Variants in CCDC149 observed in about 807,000 individuals in gnomAD.
CCDC149 encodes the protein coiled-coil domain containing 149.
A neutral mutation model predicts 59.9 loss-of-function variants in CCDC149; 45 were observed. The observed-to-expected ratio is 0.75, with a 90% CI of 0.59 to 0.96. The LOEUF is 0.96. Among genes scored for constraint, CCDC149 ranks in the 40% least tolerant of loss-of-function variants. CCDC149 has a pLI of 0.00. For synonymous variants in CCDC149, 245 were observed against 260.6 expected, an observed-to-expected ratio of 0.94 and a Z score of 0.58; for missense variants, 584 against 664.7, an observed-to-expected ratio of 0.88 and a Z score of 1.33.
intron 1 of CCDC149, among the ~76,000 whole-genome samples, chr4:24,901,459 A>C (rs1721162643): frequency 6.6e-6 from 1 of 152,208 alleles, no homozygotes; most frequent in Non-Finnish European, 1.5e-5. Context: ...TCACTATATT[A>C]ATTTTTTTAA....
At chr4:24,969,136 T>G (rs963670351) in intron 1 of CCDC149, among the ~76,000 whole-genome samples, 1 of 152,234 alleles carries the variant, frequency 6.6e-6, no homozygotes, top group Non-Finnish European at 1.5e-5. Flanking sequence ...GGAGGCTTGT[T>G]AGAAATGCCT....
chr4:24,952,615 A>G (rs1270513854), intron 1 of CCDC149, among the ~76,000 whole-genome samples: 3 of 39,788 alleles, frequency 7.5e-5, no homozygotes, highest in Admixed American at 3.6e-4. Flanking sequence ...AAAAAAAAAA[A>G]AAAAAAAAAA....
chr4:24,949,457 G>C, intron 1 of CCDC149, among the ~76,000 whole-genome samples: 1 of 149,238 alleles, frequency 6.7e-6, no homozygotes, highest in Non-Finnish European at 1.5e-5. Flanking sequence ...GGTGGTGGGG[G>C]GACTCCCTCA....
At chr4:24,825,584 T>C (rs1715677644) in intron 9 of CCDC149, among the ~76,000 whole-genome samples, 1 of 151,842 alleles carries the variant, frequency 6.6e-6, no homozygotes, top group African/African-American at 2.4e-5. Flanking sequence ...CCATCCTGGC[T>C]AACATGGTGA....
chr4:24,838,940 T>C (rs1170112743), intron 4 of CCDC149, among the ~76,000 whole-genome samples: 1 of 151,770 alleles, frequency 6.6e-6, no homozygotes, highest in Non-Finnish European at 1.5e-5. Flanking sequence ...GATGCCATGT[T>C]AAGTGGGGGA....
At position 24,885,256 on chromosome 4, in the gene CCDC149, TAGAA is replaced by T. The variant is rs556020743; in HGVS notation, c.64-8563_64-8560del. Among the ~76,000 whole-genome samples, 124 of 152,302 alleles carry T rather than the reference TAGAA, an allele frequency of 8.1e-4. 5 individuals are homozygous for T. The South Asian group carries it at 0.025, about 31-fold the overall frequency. On this transcript the variant is annotated intron_variant, in intron 1 of 12. Transcript: ENST00000635206. ...GGGGGAGTGTCATTAAGAATCATCT[TAGAA>T]AGAAACTTTCATCCTGACATCCTGT... is the stretch of plus-strand genomic sequence containing the variant.
intron 1 of CCDC149, 89 bp from the exon 2 acceptor site, chr4:24,876,786 A>C (rs539151137): frequency 1.5e-6 from 2 of 1,330,558 alleles, no homozygotes; most frequent in African/African-American, 3.0e-5. Flanking sequence ...CCTGTGGGGA[A>C]TTTTTGCCAT....
rs1364772959 is a variant in CCDC149, at chr4:24,837,079, A to T, written c.662+149T>A. ...TTCACTTTTGCAACTAATACATGGC[A>T]TTGATGTCATCATTTCGGGGGAGTG... is the stretch of plus-strand genomic sequence containing the variant. On this transcript the variant is annotated intron_variant, in intron 6 of 12. Transcript: ENST00000635206. This position sits in a 1 kb window ranked among gnomAD's most constrained non-coding sequence, Gnocchi z 4.3. 1.4e-6 allele frequency: 1 copy of T among 707,804 alleles called. No homozygotes were observed. Among genetic ancestry groups the T allele is most frequent in the African/African-American group, 1.8e-5 (1 of 55,798 alleles). 43.8% of individuals were successfully genotyped at this position (707,804 alleles called of 1,614,324 possible). A position where few individuals can be genotyped will look rare whatever the true frequency, so the allele number is the denominator to read the frequency against.
At chr4:24,960,508 C>T (rs534535246) in intron 1 of CCDC149, among the ~76,000 whole-genome samples, 1 of 151,882 alleles carries the variant, frequency 6.6e-6, no homozygotes, top group African/African-American at 2.4e-5. Context: ...ATTCTGCCTA[C>T]AAAAGAAGTA....
At chr4:24,863,135 A>G (rs1198890256) in intron 3 of CCDC149, among the ~76,000 whole-genome samples, 1 of 152,110 alleles carries the variant, frequency 6.6e-6, no homozygotes, top group African/African-American at 2.4e-5. Context: ...TCTATTAAAA[A>G]TATAAAAATT....
At chr4:24,923,135 G>T (rs1722344521) in intron 1 of CCDC149, among the ~76,000 whole-genome samples, 1 of 152,106 alleles carries the variant, frequency 6.6e-6, no homozygotes, top group Admixed American at 6.5e-5. Flanking sequence ...ACAGTCTGGT[G>T]GGGTGAGCTC....
At chr4:24,861,267 A>ATG (rs1718366652) in intron 3 of CCDC149, among the ~76,000 whole-genome samples, 2 of 151,446 alleles carry the variant, frequency 1.3e-5, no homozygotes, top group South Asian at 4.2e-4. Context: ...ATATATGCAC[A>ATG]CACACACACA....
chr4:24,803,799 C>A (rs1713992898), downstream of CCDC149, among the ~76,000 whole-genome samples: 1 of 152,108 alleles, frequency 6.6e-6, no homozygotes, highest in Admixed American at 6.6e-5. The surrounding 1 kb of genome is among the most constrained non-coding windows in gnomAD (Gnocchi z 4.3). Context: ...CCTATGCATC[C>A]AAAAAATTCT....
intron 1 of CCDC149, among the ~76,000 whole-genome samples, chr4:24,977,039 G>T (rs757115047): frequency 5.3e-5 from 8 of 152,182 alleles, no homozygotes; most frequent in Admixed American, 2.0e-4. Context: ...TGCAGGATTG[G>T]CAGGGAAGAC....
chr4:24,837,428 A>C lies in CCDC149; in HGVS notation c.490-28T>G, dbSNP rs1261773649. On this transcript the variant is annotated intron_variant, in intron 5 of 12. Transcript: ENST00000635206. This position sits in a 1 kb window ranked among gnomAD's most constrained non-coding sequence, Gnocchi z 4.3. The stretch of plus-strand genomic sequence containing the variant: ...AAAACCACAGGGAGAGCCCTTACTC[A>C]AGATGTTCCTCAGGCTCCAGCTTTA... The C allele has an allele frequency of 1.2e-6, 2 of 1,611,164 alleles. No individual in the cohort carries two copies. The highest frequency in any genetic ancestry group is 4.5e-5 in the East Asian group (2 of 44,854).
intron 1 of CCDC149, among the ~76,000 whole-genome samples, chr4:24,940,019 C>T (rs1277949532): frequency 6.6e-6 from 1 of 152,158 alleles, no homozygotes; most frequent in African/African-American, 2.4e-5. Flanking sequence ...GGCAGGCCAA[C>T]ATTCAAATTC....
chr4:24,890,587 C>T (rs1029713583), intron 1 of CCDC149, among the ~76,000 whole-genome samples: 8 of 152,186 alleles, frequency 5.3e-5, no homozygotes, highest in African/African-American at 2.4e-5. Context: ...AAACAATCTC[C>T]ATTCCTAAAT....
At chr4:24,839,182 CTTT>C (rs763819835) in intron 4 of CCDC149, among the ~76,000 whole-genome samples, 1 of 144,272 alleles carries the variant, frequency 6.9e-6, no homozygotes. Context: ...TACTTTCTAA[CTTT>C]TTTTTTTTTT....
chr4:24,915,466 GGACA>G (rs1320044087), upstream of CCDC149, among the ~76,000 whole-genome samples: 1 of 152,198 alleles, frequency 6.6e-6, no homozygotes, highest in Non-Finnish European at 1.5e-5. Context: ...TCAGGCAGCA[GGACA>G]GACAATCAAT....
Sources: gnomAD v4.1 joint callset for allele counts (sites outside exome capture counted in the v4.1 genomes callset) on GRCh38, gnomAD v4.1.1 for gene constraint, Gnocchi (gnomAD v3.1) non-coding constraint, MANE v1.5 for transcripts, NCBI Gene and HGNC (gene_info 2026-07-23, HGNC 2026-07-21) for gene names.